GAB2: variants seen among roughly 807,000 people sequenced by gnomAD.
GAB2 encodes GRB2 associated binding protein 2.
In GAB2, 26 loss-of-function variants were observed where a neutral mutation model predicts 65.5. The observed-to-expected ratio is 0.40, with a 90% CI of 0.29 to 0.55. GAB2 has a LOEUF of 0.55. GAB2 is among the 20% of genes least tolerant of loss of function. GAB2 has a pLI of 0.53. For missense variants in GAB2, 884 were observed against 875.8 expected, an observed-to-expected ratio of 1.01 and a Z score of -0.12; for synonymous variants, 321 against 329.6, an observed-to-expected ratio of 0.97 and a Z score of 0.28.
At chr11:78,375,783 T>C (rs1195646069) in intron 1 of GAB2, among the ~76,000 whole-genome samples, 1 of 152,214 alleles carries the variant, frequency 6.6e-6, no homozygotes, top group Non-Finnish European at 1.5e-5. Context: ...CAGAGTGCTC[T>C]TCAGATTTTC....
At chr11:78,406,702 A>G (rs191373205) in intron 1 of GAB2, among the ~76,000 whole-genome samples, 14 of 152,332 alleles carry the variant, frequency 9.2e-5, no homozygotes, top group African/African-American at 3.4e-4. Context: ...GACTCATTAT[A>G]CAAAGAATGA....
intron 1 of GAB2, among the ~76,000 whole-genome samples, chr11:78,295,218 G>T (rs146083496): frequency 6.6e-4 from 101 of 152,248 alleles, no homozygotes; most frequent in African/African-American, 2.2e-3. Context: ...ATGGCGAAAT[G>T]TGAGTCTTAA....
intron 3 of GAB2, among the ~76,000 whole-genome samples, chr11:78,235,393 C>A (rs1196366189): frequency 6.6e-6 from 1 of 152,074 alleles, no homozygotes; most frequent in African/African-American, 2.4e-5. Context: ...ACCTTGAGAT[C>A]CGCCCACCTC....
At chr11:78,245,929 GT>G (rs900721807) in intron 3 of GAB2, among the ~76,000 whole-genome samples, 2 of 151,108 alleles carry the variant, frequency 1.3e-5, no homozygotes, top group African/African-American at 4.8e-5. Flanking sequence ...TTGGCAGAGG[GT>G]TTTTTTATTT....
At chr11:78,397,539 G>C (rs1166043568) in intron 1 of GAB2, among the ~76,000 whole-genome samples, 1 of 152,240 alleles carries the variant, frequency 6.6e-6, no homozygotes, top group East Asian at 1.9e-4. Context: ...AAGGTGGCAA[G>C]TGAAATTAGT....
rs758482864 is a variant in GAB2, at chr11:78,250,189, G to A, written c.588C>T (p.His196=). The A allele has an allele frequency of 2.5e-6, 4 of 1,613,098 alleles. No homozygotes were observed. Among genetic ancestry groups the A allele is most frequent in the Non-Finnish European group, 3.4e-6 (4 of 1,179,914 alleles). ...TTTCTGCTCTTCGGCTTATGCACTGGTGCAAGTAGAGATACTCCTGAGGTG... is the reference window on the plus strand; with the variant it reads ...TTTCTGCTCTTCGGCTTATGCACTGATGCAAGTAGAGATACTCCTGAGGTG... ...TSAPQEYLYL[H]QCISRRAENA... is the part of the protein sequence containing the mutation. The change falls in exon 3 of 10, where the codon CAC becomes CAT. Residue 196 remains histidine, a synonymous_variant. Transcript: ENST00000361507.
At chr11:78,305,236 T>A (rs936262517) in intron 1 of GAB2, among the ~76,000 whole-genome samples, 1 of 152,266 alleles carries the variant, frequency 6.6e-6, no homozygotes, top group African/African-American at 2.4e-5. Context: ...CATGGAAGTC[T>A]GTGGCAGAGC....
At chr11:78,355,936 GC>G (rs1856352152) in intron 1 of GAB2, among the ~76,000 whole-genome samples, 1 of 151,926 alleles carries the variant, frequency 6.6e-6, no homozygotes, top group Non-Finnish European at 1.5e-5. Flanking sequence ...CCTTTGGAAG[GC>G]CGAGGCAGGT....
At chr11:78,368,861 G>A (rs1856532041) in intron 1 of GAB2, among the ~76,000 whole-genome samples, 1 of 152,122 alleles carries the variant, frequency 6.6e-6, no homozygotes, top group Admixed American at 6.5e-5. Context: ...AGAATTGCTT[G>A]AGGCTAGGAG....
At chr11:78,407,915 A>G (rs1395212018) in intron 1 of GAB2, among the ~76,000 whole-genome samples, 1 of 152,208 alleles carries the variant, frequency 6.6e-6, no homozygotes, top group East Asian at 1.9e-4. Context: ...TGCTCAAAGA[A>G]AAGAAGTGTC....
chr11:78,346,705 ATATATATATATATATAATT>A (rs1856190634), intron 1 of GAB2, among the ~76,000 whole-genome samples: 1 of 95,574 alleles, frequency 1.0e-5, no homozygotes, highest in East Asian at 3.4e-4. Context: ...ATATATATAT[ATATATATATATATATAATT>A]TTTTTTTTTT....
At chr11:78,331,504 C>T (rs1855913396) in intron 1 of GAB2, among the ~76,000 whole-genome samples, 1 of 152,164 alleles carries the variant, frequency 6.6e-6, no homozygotes, top group African/African-American at 2.4e-5. Context: ...CTTGGCCTCC[C>T]AAAGTGCTGG....
At chr11:78,253,183 G>T (rs1373243038) in intron 2 of GAB2, among the ~76,000 whole-genome samples, 1 of 151,678 alleles carries the variant, frequency 6.6e-6, no homozygotes, top group South Asian at 2.1e-4. Flanking sequence ...GCTAATTTTT[G>T]TATTTTTAGT....
At chr11:78,220,569 A>G in intron 8 of GAB2, 125 bp from the exon 9 acceptor site, 1 of 721,946 alleles carries the variant, frequency 1.4e-6, no homozygotes, top group Non-Finnish European at 2.2e-6. Flanking sequence ...GCACCATGCT[A>G]AGGACTTTTC....
Position 78,263,570 on chromosome 11 carries a change from T to C in GAB2, c.377-13170A>G, listed in dbSNP as rs185424521. On this transcript the variant is annotated intron_variant, in intron 2 of 9. Coordinates refer to ENST00000361507, the MANE Select transcript of GAB2 (RefSeq NM_080491.3). The stretch of plus-strand genomic sequence containing the variant: ...ATTGCTTGAACCCAGGAGGCAGAGG[T>C]TGCAGTGAGCCGAGATCGCGCCACT... 6.7e-3 allele frequency among the ~76,000 whole-genome samples: 1,009 copies of C among 150,264 alleles called. 4 individuals carry two copies. Among genetic ancestry groups the C allele is most frequent in the Non-Finnish European group, 9.9e-3 (674 of 67,788 alleles).
intron 1 of GAB2, among the ~76,000 whole-genome samples, chr11:78,369,129 G>A (rs1856535438): frequency 7.1e-6 from 1 of 141,732 alleles, no homozygotes; most frequent in East Asian, 2.0e-4. Flanking sequence ...CAGAGTGACA[G>A]AGACCCTGTC....
intron 1 of GAB2, among the ~76,000 whole-genome samples, chr11:78,293,203 A>C (rs1866727123): frequency 6.6e-6 from 1 of 152,088 alleles, no homozygotes; most frequent in African/African-American, 2.4e-5. Flanking sequence ...TTTGTTCTGG[A>C]CTCATTCATC....
At chr11:78,269,240 C>T (rs1014473805) in intron 2 of GAB2, among the ~76,000 whole-genome samples, 30 of 152,056 alleles carry the variant, frequency 2.0e-4, no homozygotes, top group African/African-American at 4.3e-4. Context: ...TGCATATTAC[C>T]GCCCACATTT....
At chr11:78,252,146 C>T (rs1865472954) in intron 2 of GAB2, among the ~76,000 whole-genome samples, 1 of 152,208 alleles carries the variant, frequency 6.6e-6, no homozygotes. Flanking sequence ...CTGTACCCTT[C>T]TCATGGTCCT....
Sources: gnomAD v4.1 joint callset for allele counts (sites outside exome capture counted in the v4.1 genomes callset) on GRCh38, gnomAD v4.1.1 for gene constraint, MANE v1.5 for transcripts, NCBI Gene and HGNC (gene_info 2026-07-23, HGNC 2026-07-21) for gene names.